RIT2: variants seen among roughly 807,000 people sequenced by gnomAD.
RIT2 encodes the protein GTP-binding protein Rit2.
In RIT2, 24 loss-of-function variants were observed where a neutral mutation model predicts 23.7. That is an observed-to-expected ratio of 1.01 (90% CI 0.73 to 1.43). The LOEUF (loss-of-function observed/expected upper bound fraction) is 1.43, where lower values mean the gene tolerates loss of function less well. Ranked by LOEUF, RIT2 falls within the 40% of genes most tolerant of loss-of-function variation. RIT2 has a pLI of 0.00. For missense variants in RIT2, 236 were observed against 266.9 expected (o/e 0.88, Z 0.81); for synonymous variants, 107 against 91.1 (o/e 1.17, Z -0.99).
intron 1 of RIT2, among the ~76,000 whole-genome samples, chr18:43,074,804 C>A (rs1353258745): frequency 6.6e-6 from 1 of 152,210 alleles, no homozygotes; most frequent in Non-Finnish European, 1.5e-5. Context: ...GAACAGAAAA[C>A]CAAATACCAC....
chr18:43,002,260 T>C (rs1264481887), intron 2 of RIT2, among the ~76,000 whole-genome samples: 6 of 151,872 alleles, frequency 4.0e-5, no homozygotes. Context: ...GAACACTTAA[T>C]CGGTCGAATT....
chr18:42,861,653 A>G (rs1187668137), intron 4 of RIT2, among the ~76,000 whole-genome samples: 1 of 152,226 alleles, frequency 6.6e-6, no homozygotes, highest in Non-Finnish European at 1.5e-5. Context: ...CCACTAGATT[A>G]ACAAATTGAT....
At chr18:42,748,516 T>C (rs189845917) in intron 4 of RIT2, among the ~76,000 whole-genome samples, 2 of 152,184 alleles carry the variant, frequency 1.3e-5, no homozygotes, top group Admixed American at 1.3e-4. Flanking sequence ...ACAAACACTA[T>C]GTAAAACAGT....
At chr18:42,886,136 C>T (rs1360690276) in intron 4 of RIT2, among the ~76,000 whole-genome samples, 4 of 152,158 alleles carry the variant, frequency 2.6e-5, no homozygotes, top group Non-Finnish European at 5.9e-5. Flanking sequence ...CTATGATTTT[C>T]AATGATAAGC....
chr18:42,986,042 CT>C (rs1271886309), intron 2 of RIT2, among the ~76,000 whole-genome samples: 1,640 of 136,068 alleles, frequency 0.012, 6 homozygotes, highest in Non-Finnish European at 0.015. Flanking sequence ...TTTTTCTTTT[CT>C]TTTTTTTTTT....
chr18:42,795,657 G>T (rs1332732421), intron 4 of RIT2, among the ~76,000 whole-genome samples: 3 of 152,364 alleles, frequency 2.0e-5, no homozygotes, highest in South Asian at 2.1e-4. Flanking sequence ...CTGCAGCCCG[G>T]GTGCGGGATC....
chr18:43,045,713 C>T (rs1183314395), intron 1 of RIT2, among the ~76,000 whole-genome samples: 3 of 152,098 alleles, frequency 2.0e-5, no homozygotes, highest in African/African-American at 7.2e-5. Flanking sequence ...ATTTTTACCT[C>T]ACCTCTAATA....
intron 4 of RIT2, among the ~76,000 whole-genome samples, chr18:42,896,430 A>G (rs993168609): frequency 1.3e-5 from 2 of 152,144 alleles, no homozygotes; most frequent in African/African-American, 4.8e-5. Flanking sequence ...TATCCTGACT[A>G]ACTGATTTTT....
intron 3 of RIT2, among the ~76,000 whole-genome samples, chr18:42,940,334 T>A (rs535295187): frequency 6.9e-6 from 1 of 145,578 alleles, no homozygotes; most frequent in Non-Finnish European, 1.5e-5. Context: ...ATATACACAA[T>A]ATATAGTAAA....
chr18:42,795,482 G>C (rs577876759), intron 4 of RIT2, among the ~76,000 whole-genome samples: 6 of 152,226 alleles, frequency 3.9e-5, no homozygotes, highest in Non-Finnish European at 7.3e-5. Context: ...GGCAGGGCTC[G>C]GGACCGGCAG....
intron 1 of RIT2, among the ~76,000 whole-genome samples, chr18:43,113,378 C>T (rs1038244731): frequency 5.3e-5 from 8 of 152,134 alleles, no homozygotes; most frequent in African/African-American, 1.9e-4. Context: ...TACTCCTTAT[C>T]CTTATCTTTC....
chr18:42,822,502 T>C (rs1043220272), intron 4 of RIT2, among the ~76,000 whole-genome samples: 3 of 152,148 alleles, frequency 2.0e-5, no homozygotes, highest in Non-Finnish European at 4.4e-5. Flanking sequence ...TCTGCAATGG[T>C]TGGTTCCAAT....
chr18:42,991,548 G>A (rs1024337556), intron 2 of RIT2, among the ~76,000 whole-genome samples: 1 of 152,210 alleles, frequency 6.6e-6, no homozygotes, highest in Middle Eastern at 3.4e-3. Context: ...TGACCTGCAT[G>A]TACAGGGACG....
intron 1 of RIT2, among the ~76,000 whole-genome samples, chr18:43,045,095 A>G (rs1428125764): frequency 6.6e-6 from 1 of 152,218 alleles, no homozygotes; most frequent in African/African-American, 2.4e-5. Context: ...CATTTAGGAT[A>G]AACCTCATCT....
At chr18:42,854,251 T>C (rs547615444) in intron 4 of RIT2, among the ~76,000 whole-genome samples, 74 of 152,288 alleles carry the variant, frequency 4.9e-4, no homozygotes, top group Non-Finnish European at 8.2e-4. Flanking sequence ...AATTCTCCAA[T>C]CAATAGGTCA....
chr18:42,950,229 A>T (rs139268272), intron 3 of RIT2, among the ~76,000 whole-genome samples: 1,781 of 152,238 alleles, frequency 0.012, 17 homozygotes, highest in Non-Finnish European at 0.019. Context: ...GGAACAGGAT[A>T]GAGAGCCCGG....
intron 4 of RIT2, among the ~76,000 whole-genome samples, chr18:42,774,917 C>G (rs1230085393): frequency 6.6e-6 from 1 of 152,086 alleles, no homozygotes; most frequent in African/African-American, 2.4e-5. Context: ...AGTATGATTG[C>G]AGAGATTGAG....
At chr18:42,752,407 A>G (rs1913066023) in intron 4 of RIT2, among the ~76,000 whole-genome samples, 1 of 152,174 alleles carries the variant, frequency 6.6e-6, no homozygotes, top group Admixed American at 6.5e-5. Context: ...AAGAAGCACA[A>G]TGGTAGAAAG....
intron 1 of RIT2, among the ~76,000 whole-genome samples, chr18:43,043,242 G>A (rs529200822): frequency 2.0e-5 from 3 of 152,212 alleles, no homozygotes; most frequent in South Asian, 4.1e-4. Flanking sequence ...GAGCCATGCA[G>A]TAACTTGGTT....
Sources: allele counts gnomAD v4.1 joint callset (sites outside exome capture counted in the v4.1 genomes callset), GRCh38; gene constraint gnomAD v4.1.1; transcripts MANE v1.5; gene names NCBI Gene and HGNC (gene_info 2026-07-23, HGNC 2026-07-21).